The following SDK1 variants were observed in gnomAD, a reference collection of about 807,000 sequenced individuals.
SDK1 encodes the protein sidekick cell adhesion molecule 1, also known as protein sidekick-1.
SDK1 carries 157 observed loss-of-function variants against 245.5 expected under a neutral mutation model. The observed-to-expected ratio is 0.64, with a 90% CI of 0.56 to 0.73. SDK1 has a LOEUF of 0.73. Among genes scored for constraint, SDK1 ranks in the 30% least tolerant of loss-of-function variants. The pLI is 0.00. For missense variants in SDK1, 3,583 were observed against 3,002.3 expected (o/e 1.19, Z -4.52); for synonymous variants, 1,647 against 1,278.5 (o/e 1.29, Z -6.15).
intron 4 of SDK1, among the ~76,000 whole-genome samples, chr7:3,716,118 A>G (rs977829974): frequency 1.3e-5 from 2 of 151,504 alleles, no homozygotes; most frequent in Admixed American, 6.6e-5. Flanking sequence ...GGTAGACAAA[A>G]AAAAAAAAAA....
chr7:3,975,397 A>C (rs973544563), intron 13 of SDK1, among the ~76,000 whole-genome samples: 6 of 152,158 alleles, frequency 3.9e-5, no homozygotes, highest in Admixed American at 6.5e-5. Flanking sequence ...CTTTCGACAA[A>C]GGCAATCTTG....
intron 1 of SDK1, among the ~76,000 whole-genome samples, chr7:3,437,650 C>A (rs1780067632): frequency 6.6e-6 from 1 of 152,042 alleles, no homozygotes; most frequent in African/African-American, 2.4e-5. Context: ...GCCTGTAGTC[C>A]CACCTATTTC....
At chr7:3,484,723 T>G (rs578251436) in intron 1 of SDK1, among the ~76,000 whole-genome samples, 1 of 152,050 alleles carries the variant, frequency 6.6e-6, no homozygotes, top group Admixed American at 6.6e-5. Context: ...ACAAGATCGG[T>G]TTTTTTTAGC....
chr7:4,223,577 T>G (rs1162119736), intron 40 of SDK1, among the ~76,000 whole-genome samples: 3 of 152,250 alleles, frequency 2.0e-5, no homozygotes, highest in African/African-American at 7.2e-5. Context: ...GTGATCTCCC[T>G]GTATGTGTGT....
intron 4 of SDK1, among the ~76,000 whole-genome samples, chr7:3,768,734 T>C (rs1258808745): frequency 1.3e-5 from 2 of 152,172 alleles, no homozygotes; most frequent in Non-Finnish European, 2.9e-5. Flanking sequence ...CACTGAGAAA[T>C]TGACCAGAAA....
At chr7:3,550,496 C>T (rs1032755035) in intron 1 of SDK1, among the ~76,000 whole-genome samples, 1 of 152,172 alleles carries the variant, frequency 6.6e-6, no homozygotes, top group African/African-American at 2.4e-5. Context: ...TGGGCCACTG[C>T]TGGGTGCTCA....
intron 17 of SDK1, among the ~76,000 whole-genome samples, chr7:4,017,744 GTTTTAT>G (rs1180279523): frequency 6.6e-6 from 1 of 152,174 alleles, no homozygotes; most frequent in African/African-American, 2.4e-5. Context: ...ATTATTCACA[GTTTTAT>G]TTTTAACGAC....
chr7:3,313,850 T>A (rs12700787), intron 1 of SDK1, among the ~76,000 whole-genome samples: 2 of 152,224 alleles, frequency 1.3e-5, no homozygotes, highest in Non-Finnish European at 2.9e-5. Context: ...ATACATATAA[T>A]TAGCTCTATT....
chr7:4,114,410 C>G, intron 25 of SDK1, 136 bp downstream of exon 25: 1 of 700,230 alleles, frequency 1.4e-6, no homozygotes, highest in Non-Finnish European at 2.3e-6. Flanking sequence ...TTTCCTAATC[C>G]CGGGTTTGGC....
At chr7:3,991,722 C>G (rs531674141) in intron 14 of SDK1, among the ~76,000 whole-genome samples, 1 of 152,260 alleles carries the variant, frequency 6.6e-6, no homozygotes, top group South Asian at 2.1e-4. Context: ...AGAGTGGGTA[C>G]CATGGTTGCC....
At chr7:3,324,231 T>C (rs1317969640) in intron 1 of SDK1, among the ~76,000 whole-genome samples, 1 of 152,198 alleles carries the variant, frequency 6.6e-6, no homozygotes, top group African/African-American at 2.4e-5. Flanking sequence ...TAAGAATGTT[T>C]TTTAAAAGTA....
intron 1 of SDK1, among the ~76,000 whole-genome samples, chr7:3,321,833 T>C (rs1341850755): frequency 0.017 from 1,789 of 103,744 alleles, 106 homozygotes; most frequent in African/African-American, 0.063. Flanking sequence ...TCCTTCCTCC[T>C]TTTCTCTCTC....
intron 17 of SDK1, among the ~76,000 whole-genome samples, chr7:4,030,469 T>C (rs1214197249): frequency 6.6e-6 from 1 of 152,192 alleles, no homozygotes; most frequent in Non-Finnish European, 1.5e-5. Context: ...CTGGTGGCAG[T>C]TGACAGGTCG....
At chr7:3,730,289 T>C (rs1779140980) in intron 4 of SDK1, among the ~76,000 whole-genome samples, 1 of 152,194 alleles carries the variant, frequency 6.6e-6, no homozygotes, top group South Asian at 2.1e-4. Context: ...TGCTCTGTTG[T>C]GGTTTTCATG....
At chr7:3,823,178 A>T (rs1242302802) in intron 5 of SDK1, among the ~76,000 whole-genome samples, 3 of 152,186 alleles carry the variant, frequency 2.0e-5, no homozygotes, top group Non-Finnish European at 4.4e-5. Flanking sequence ...AGTAGAAATG[A>T]GGATGATTTA....
At chr7:3,332,062 C>A (rs368554442) in intron 1 of SDK1, among the ~76,000 whole-genome samples, 4 of 152,106 alleles carry the variant, frequency 2.6e-5, no homozygotes, top group African/African-American at 9.7e-5. Context: ...GGTGTTGAAT[C>A]TGTTTCAGGT....
chr7:4,065,957 G>A (rs1037976482), intron 19 of SDK1, among the ~76,000 whole-genome samples: 1 of 151,950 alleles, frequency 6.6e-6, no homozygotes, highest in Non-Finnish European at 1.5e-5. Context: ...ATTTTAAGCT[G>A]AAAGACTTGC....
chr7:3,681,400 T>A (rs867977888), intron 4 of SDK1, among the ~76,000 whole-genome samples: 2 of 152,278 alleles, frequency 1.3e-5, no homozygotes. Context: ...GATTATAAAC[T>A]GCTGCTCTGA....
At chr7:3,500,316 G>A (rs2128607881) in intron 1 of SDK1, among the ~76,000 whole-genome samples, 1 of 152,234 alleles carries the variant, frequency 6.6e-6, no homozygotes, top group East Asian at 1.9e-4. Context: ...AGTGGAACAT[G>A]TCATCTGGTA....
Sources: allele counts gnomAD v4.1 joint callset (sites outside exome capture counted in the v4.1 genomes callset), GRCh38; gene constraint gnomAD v4.1.1; transcripts MANE v1.5; gene names NCBI Gene and HGNC (gene_info 2026-07-23, HGNC 2026-07-21).